Variants in UTRN observed in about 807,000 individuals in gnomAD.
UTRN encodes the protein dystrophin-related protein 1.
In UTRN, 283 loss-of-function variants were observed where a neutral mutation model predicts 463.9. That is an observed-to-expected ratio of 0.61 (90% CI 0.55 to 0.67). The LOEUF (loss-of-function observed/expected upper bound fraction) is 0.67. Among genes scored for constraint, UTRN ranks in the 30% least tolerant of loss-of-function variants. UTRN has a pLI of 0.00. For missense variants in UTRN, 3,922 were observed against 4,084.3 expected (o/e 0.96, Z 1.08); for synonymous variants, 1,442 against 1,431.5 (o/e 1.01, Z -0.17).
Position 144,839,255 on chromosome 6 carries a change from A to G in UTRN, c.10148A>G (p.Asp3383Gly), listed in dbSNP as rs1286630813. Residue 3383 changes from aspartate (D) to glycine (G), a missense_variant, in exon 72 of 75, where the codon GAT becomes GGT. Transcript: ENST00000367545. ...HSALSYSLDP[D>G]ASGPQFHQAA... The stretch of plus-strand genomic sequence containing the variant: ...GCACTGAGCTACTCGCTTGATCCAG[A>G]TGCCTCCGGCCCACAGTTCCACCAG... The G allele has an allele frequency of 1.2e-6, 2 of 1,613,740 alleles. No homozygotes were observed. The highest frequency in any genetic ancestry group is 8.5e-7 in the Non-Finnish European group (1 of 1,179,942).
In UTRN at chr6:144,608,778, C is replaced by T. The variant is rs549476058; in HGVS notation, c.7479+31490C>T. ...AGGTTTTATCTCAGACATCCACACA[C>T]GACCTCTCTATGTGCTTTGCTGGCT... On this transcript the variant is annotated intron_variant, in intron 51 of 74. Transcript: ENST00000367545. Among the ~76,000 whole-genome samples the T allele has an allele frequency of 1.4e-3, 142 of 103,988 alleles. 1 individual carries two copies. The highest frequency in any genetic ancestry group is 4.2e-3 in the African/African-American group (79 of 18,948). 68.2% of individuals were successfully genotyped at this position (103,988 alleles called of 152,430 possible). A position where few individuals can be genotyped will look rare whatever the true frequency, so the allele number is the denominator to read the frequency against.
intron 53 of UTRN, among the ~76,000 whole-genome samples, chr6:144,701,166 C>T (rs1784555301): frequency 6.6e-6 from 1 of 152,142 alleles, no homozygotes; most frequent in Non-Finnish European, 1.5e-5. Flanking sequence ...CTCGGCCTCC[C>T]AAAGTGCTGG....
Position 144,436,093 on chromosome 6 carries a change from T to A in UTRN, c.1014T>A (p.Ile338=). The A allele has an allele frequency of 6.2e-7, 1 of 1,614,200 alleles. No individual in the cohort carries two copies. Among genetic ancestry groups the A allele is most frequent in the Non-Finnish European group, 8.5e-7 (1 of 1,180,036 alleles). The change falls in exon 10 of 75, where the codon ATT becomes ATA. Residue 338 remains isoleucine (I), a synonymous_variant. Transcript: ENST00000367545. ...AEDTFQEQDD[I]SDDVEEVKDQ... ...ACACTTTCCAGGAGCAGGATGATATTTCTGATGATGTTGAAGAAGTCAAAG... is the reference window on the plus strand; with the variant it reads ...ACACTTTCCAGGAGCAGGATGATATATCTGATGATGTTGAAGAAGTCAAAG...
At chr6:144,779,546 C>T (rs1002636832) in intron 60 of UTRN, among the ~76,000 whole-genome samples, 2 of 152,130 alleles carry the variant, frequency 1.3e-5, no homozygotes, top group Non-Finnish European at 2.9e-5. Context: ...AAAGGGTCTT[C>T]ATCCTTGTTG....
At chr6:144,594,167 G>T (rs1226866418) in intron 51 of UTRN, among the ~76,000 whole-genome samples, 1 of 152,200 alleles carries the variant, frequency 6.6e-6, no homozygotes, top group African/African-American at 2.4e-5. Flanking sequence ...TAGAACATTA[G>T]AGTTTATGGA....
intron 53 of UTRN, chr6:144,708,526 A>G (rs2128702393): frequency 2.6e-6 from 1 of 378,598 alleles, no homozygotes; most frequent in East Asian, 5.6e-5. Context: ...CCTGGTATAG[A>G]AAAAAACACA....
intron 65 of UTRN, among the ~76,000 whole-genome samples, chr6:144,808,271 G>C (rs6933387): frequency 0.022 from 2,782 of 123,800 alleles, 82 homozygotes; most frequent in African/African-American, 0.11. Flanking sequence ...TGAATCAAGA[G>C]AGTAGTCAAT....
chr6:144,621,971 A>G (rs1305520579), intron 51 of UTRN, among the ~76,000 whole-genome samples: 1 of 149,936 alleles, frequency 6.7e-6, no homozygotes, highest in Non-Finnish European at 1.5e-5. Context: ...GGTTATAATT[A>G]GTTTATTTAA....
At chr6:144,573,424 T>A (rs1337007945) in intron 50 of UTRN, among the ~76,000 whole-genome samples, 3 of 151,886 alleles carry the variant, frequency 2.0e-5, no homozygotes, top group East Asian at 3.9e-4. Context: ...CTGGGTGTGG[T>A]GGCACATCCC....
At chr6:144,466,378 C>T (rs541950776) in intron 23 of UTRN, among the ~76,000 whole-genome samples, 73 of 152,298 alleles carry the variant, frequency 4.8e-4, no homozygotes, top group Middle Eastern at 6.8e-3. Flanking sequence ...TCCTCATTTG[C>T]CTGCATTTCC....
At chr6:144,436,177 C>A (rs59440296) in intron 10 of UTRN, 39 bp downstream of exon 10, 110 of 1,581,984 alleles carry the variant, frequency 7.0e-5, no homozygotes, top group Non-Finnish European at 8.9e-5. Context: ...GTGTCCCCCA[C>A]GGGACCTGAG....
intron 51 of UTRN, among the ~76,000 whole-genome samples, chr6:144,595,743 C>T (rs1803577592): frequency 6.6e-6 from 1 of 152,136 alleles, no homozygotes. Context: ...GCTGGGAAGG[C>T]TTGAAGAAGG....
At chr6:144,518,195 C>CT (rs1795794020) in intron 39 of UTRN, among the ~76,000 whole-genome samples, 1 of 152,170 alleles carries the variant, frequency 6.6e-6, no homozygotes, top group Non-Finnish European at 1.5e-5. Context: ...ATTCTTATGT[C>CT]TGTTTTTTCT....
chr6:144,413,298 C>G (rs1784079024), intron 3 of UTRN, among the ~76,000 whole-genome samples: 1 of 152,124 alleles, frequency 6.6e-6, no homozygotes, highest in Non-Finnish European at 1.5e-5. Context: ...ATGCCATTTA[C>G]TCGAGTGTAT....
chr6:144,846,537 T>C (rs554253316), intron 73 of UTRN, among the ~76,000 whole-genome samples: 1 of 152,274 alleles, frequency 6.6e-6, no homozygotes, highest in Admixed American at 6.5e-5. Context: ...TTTGCAAGAC[T>C]AAGTGCTCAG....
chr6:144,425,185 GTC>G (rs1785184899), intron 6 of UTRN, among the ~76,000 whole-genome samples: 1 of 152,094 alleles, frequency 6.6e-6, no homozygotes, highest in Non-Finnish European at 1.5e-5. Flanking sequence ...TTTGTAGAAT[GTC>G]TCTCTCAGTG....
chr6:144,407,113 T>A lies in UTRN; in HGVS notation c.141+3929T>A, dbSNP rs188142556. Among the ~76,000 whole-genome samples, 25 of 152,258 alleles carry A rather than the reference T, an allele frequency of 1.6e-4. No individual in the cohort carries two copies. The East Asian group carries it at 2.3e-3, about 14-fold the overall frequency. ...CTGTATACTCTCAAAGTGTTATGATTTGAAGCACTTACCATACTGTAATTT... is the reference window on the plus strand; with the variant it reads ...CTGTATACTCTCAAAGTGTTATGATATGAAGCACTTACCATACTGTAATTT... On this transcript the variant is annotated intron_variant, in intron 3 of 74. Transcript: ENST00000367545.
chr6:144,638,928 G>A (rs1777482565), intron 51 of UTRN, among the ~76,000 whole-genome samples: 1 of 151,984 alleles, frequency 6.6e-6, no homozygotes, highest in South Asian at 2.1e-4. Context: ...TTTAAAAAAA[G>A]TTAGTCAGGA....
At chr6:144,626,016 A>G (rs1775907219) in intron 51 of UTRN, among the ~76,000 whole-genome samples, 1 of 152,212 alleles carries the variant, frequency 6.6e-6, no homozygotes, top group Non-Finnish European at 1.5e-5. Context: ...ATATTTCTAT[A>G]GCTGTATCAC....
Sources: gnomAD v4.1 joint callset for allele counts (sites outside exome capture counted in the v4.1 genomes callset) on GRCh38, gnomAD v4.1.1 for gene constraint, MANE v1.5 for transcripts, NCBI Gene and HGNC (gene_info 2026-07-23, HGNC 2026-07-21) for gene names.